MAN1C1: variants seen among roughly 807,000 people sequenced by gnomAD.
MAN1C1 encodes mannosidase alpha class 1C member 1.
MAN1C1 carries 49 observed loss-of-function variants against 71.5 expected under a neutral mutation model. That is an observed-to-expected ratio of 0.69 (90% CI 0.54 to 0.87). The LOEUF (loss-of-function observed/expected upper bound fraction) is 0.87, where lower values mean the gene tolerates loss of function less well. Ranked by LOEUF, MAN1C1 falls within the 40% of genes least tolerant of loss-of-function variation. The pLI, the probability that MAN1C1 is intolerant of heterozygous loss-of-function variation, is 0.00. For missense variants in MAN1C1, 743 were observed against 835.0 expected, an observed-to-expected ratio of 0.89 and a Z score of 1.36; for synonymous variants, 352 against 343.7, an observed-to-expected ratio of 1.02 and a Z score of -0.27.
At chr1:25,738,825 C>T (rs1351066003) in intron 2 of MAN1C1, among the ~76,000 whole-genome samples, 1 of 152,134 alleles carries the variant, frequency 6.6e-6, no homozygotes, top group African/African-American at 2.4e-5. Context: ...ATCCAACATT[C>T]TGAGAGGCAG....
At chr1:25,624,819 G>T (rs780268175) in intron 1 of MAN1C1, among the ~76,000 whole-genome samples, 1 of 151,992 alleles carries the variant, frequency 6.6e-6, no homozygotes, top group Admixed American at 6.6e-5. Flanking sequence ...CCTCGTGGTC[G>T]CCATAAAATC....
Position 25,634,617 on chromosome 1 carries a change from C to T in MAN1C1, c.540+16280C>T, listed in dbSNP as rs773467657. On this transcript the variant is annotated intron_variant, in intron 1 of 11. Transcript: ENST00000374332. The surrounding 1 kb of genome is among the most constrained non-coding windows in gnomAD (Gnocchi z 4.6). The stretch of plus-strand genomic sequence containing the variant: ...GGAGGATTGCCTGAGCTCAGCAGTT[C>T]GAGACCAGCCTGGGCAACATGGTAA... Among the ~76,000 whole-genome samples the T allele has an allele frequency of 3.3e-5, 5 of 152,068 alleles. No homozygotes were observed. Among genetic ancestry groups the T allele is most frequent in the East Asian group, 3.9e-4 (2 of 5,192 alleles).
intron 6 of MAN1C1, chr1:25,759,823 CTCT>C (rs2047337924): frequency 6.6e-6 from 1 of 152,238 alleles, no homozygotes. Context: ...GCTGTTCAGC[CTCT>C]TCTTGATTAC....
intron 2 of MAN1C1, among the ~76,000 whole-genome samples, chr1:25,709,277 G>C (rs977961930): frequency 1.3e-5 from 2 of 152,218 alleles, no homozygotes; most frequent in South Asian, 4.1e-4. Context: ...GAGGCAGTAA[G>C]ACCGGCTAAG....
At chr1:25,702,707 T>C (rs974275356) in intron 2 of MAN1C1, among the ~76,000 whole-genome samples, 17 of 152,194 alleles carry the variant, frequency 1.1e-4, no homozygotes, top group Non-Finnish European at 2.1e-4. Flanking sequence ...ACCTACCTCA[T>C]AGGGTAGTTG....
intron 5 of MAN1C1, among the ~76,000 whole-genome samples, chr1:25,754,753 T>C (rs745492060): frequency 2.0e-5 from 3 of 152,162 alleles, no homozygotes; most frequent in Non-Finnish European, 4.4e-5. Context: ...CATCCCTTCC[T>C]CTTCTGTCCC....
At chr1:25,692,171 G>A (rs924112423) in intron 2 of MAN1C1, among the ~76,000 whole-genome samples, 4 of 152,202 alleles carry the variant, frequency 2.6e-5, no homozygotes, top group African/African-American at 9.6e-5. Flanking sequence ...AGCGCTCTTT[G>A]CGCCGCACAC....
chr1:25,770,084 G>A (rs867086137), intron 7 of MAN1C1, among the ~76,000 whole-genome samples: 21 of 151,846 alleles, frequency 1.4e-4, no homozygotes, highest in African/African-American at 4.4e-4. Flanking sequence ...CAGCCTCCCC[G>A]GCCCCTCCTC....
At chr1:25,723,415 T>C (rs1373642922) in intron 2 of MAN1C1, among the ~76,000 whole-genome samples, 1 of 152,232 alleles carries the variant, frequency 6.6e-6, no homozygotes, top group Non-Finnish European at 1.5e-5. Context: ...TTTGGGGTTT[T>C]CTAGCACAAA....
chr1:25,624,539 C>T (rs1285904298), intron 1 of MAN1C1, among the ~76,000 whole-genome samples: 1 of 152,162 alleles, frequency 6.6e-6, no homozygotes, highest in Non-Finnish European at 1.5e-5. Flanking sequence ...AGGCTACAAC[C>T]AGGGCAATTG....
chr1:25,704,511 G>A (rs796750843), intron 2 of MAN1C1, among the ~76,000 whole-genome samples: 3 of 152,230 alleles, frequency 2.0e-5, no homozygotes, highest in South Asian at 2.1e-4. Flanking sequence ...TGCTCAGCAC[G>A]TGCTTGCTAG....
At chr1:25,758,880 A>C in intron 6 of MAN1C1, 171 bp downstream of exon 6, 2 of 619,816 alleles carry the variant, frequency 3.2e-6, no homozygotes, top group Non-Finnish European at 5.8e-6. Flanking sequence ...CTATACCCCA[A>C]CGCCAGGTGG....
chr1:25,733,551 A>G (rs1310162516), intron 2 of MAN1C1, among the ~76,000 whole-genome samples: 1 of 151,970 alleles, frequency 6.6e-6, no homozygotes, highest in Non-Finnish European at 1.5e-5. Context: ...CCACACCTAA[A>G]TGGAGCTCCT....
chr1:25,697,538 A>G (rs2046384771), intron 2 of MAN1C1, among the ~76,000 whole-genome samples: 7 of 152,328 alleles, frequency 4.6e-5, no homozygotes, highest in Middle Eastern at 3.4e-3. Flanking sequence ...TTGTGTAGAC[A>G]TAGGTTTCCA....
chr1:25,783,745 G>A lies in MAN1C1; in HGVS notation c.1849G>A (p.Val617Met), dbSNP rs79507311. The stretch of plus-strand genomic sequence containing the variant: ...CAACACCGAGGCCCACCCACTCCCG[G>A]TGAACCACTCAGACAGCTCCGGCAG... The part of the protein sequence containing the change: ...VFNTEAHPLP[V>M]NHSDSSGRAW... The change falls in exon 12 of 12, where the codon GTG becomes ATG. Residue 617 changes from valine to methionine, a missense_variant. Val to Met is a conservative substitution (Grantham distance 21). Coordinates refer to ENST00000374332, the MANE Select transcript of MAN1C1 (RefSeq NM_020379.4). 0.011 allele frequency: 17,402 copies of A among 1,613,006 alleles called. 116 individuals carry two copies. Among genetic ancestry groups the A allele is most frequent in the Non-Finnish European group, 0.012 (13,901 of 1,180,014 alleles).
chr1:25,702,143 G>A (rs879920979), intron 2 of MAN1C1, among the ~76,000 whole-genome samples: 14 of 152,172 alleles, frequency 9.2e-5, no homozygotes, highest in Non-Finnish European at 1.8e-4. Context: ...CCAAACACCC[G>A]AGAGGAGGCT....
At position 25,769,390 on chromosome 1, in the gene MAN1C1, T is replaced by TACATAC. The variant is rs143163901; in HGVS notation, c.1142-2264_1142-2263insTACACA. ...ACTCACCCCACACCCCATACATACA[T>TACATAC]ACACACACACACACACACAAGCTGT... On this transcript the variant is annotated intron_variant, in intron 7 of 11. Transcript: ENST00000374332. This position sits in a 1 kb window ranked among gnomAD's most constrained non-coding sequence, Gnocchi z 4.8. Among the ~76,000 whole-genome samples, 2 of 148,550 alleles carry TACATAC rather than the reference T, an allele frequency of 1.3e-5. No homozygotes were observed. The highest frequency in any genetic ancestry group is 2.5e-5 in the African/African-American group (1 of 40,396).
chr1:25,641,136 A>C (rs1231572743), intron 1 of MAN1C1, among the ~76,000 whole-genome samples: 1 of 152,194 alleles, frequency 6.6e-6, no homozygotes, highest in Non-Finnish European at 1.5e-5. Flanking sequence ...GCTAGGCTGG[A>C]ACAATGCTTC....
intron 2 of MAN1C1, among the ~76,000 whole-genome samples, chr1:25,714,112 T>A (rs904059881): frequency 1.3e-5 from 2 of 152,182 alleles, no homozygotes; most frequent in Non-Finnish European, 2.9e-5. Context: ...GAGGAAGTGA[T>A]GAGGGAACAT....
Sources: allele counts gnomAD v4.1 joint callset (sites outside exome capture counted in the v4.1 genomes callset), GRCh38; gene constraint gnomAD v4.1.1; non-coding constraint Gnocchi (gnomAD v3.1); transcripts MANE v1.5; gene names NCBI Gene and HGNC (gene_info 2026-07-23, HGNC 2026-07-21).